SIK3: variants seen among roughly 807,000 people sequenced by gnomAD.
SIK3 encodes the protein serine/threonine-protein kinase SIK3.
In SIK3, 28 loss-of-function variants were observed where a neutral mutation model predicts 144.2. The ratio of observed to expected loss-of-function variants is 0.19; its 90% CI spans 0.14 to 0.27. The LOEUF (loss-of-function observed/expected upper bound fraction) is 0.27, where lower values mean the gene tolerates loss of function less well. SIK3 is among the 10% of genes least tolerant of loss of function. SIK3 has a pLI of 1.00. For missense variants in SIK3, 1,319 were observed against 1,776.0 expected (o/e 0.74, Z 4.62); for synonymous variants, 686 against 676.3 (o/e 1.01, Z -0.22).
intron 1 of SIK3, among the ~76,000 whole-genome samples, chr11:117,057,813 C>G (rs1320707970): frequency 6.6e-6 from 1 of 152,130 alleles, no homozygotes; most frequent in Non-Finnish European, 1.5e-5. Context: ...AATTCTAGGT[C>G]CTACTTATTT....
intron 1 of SIK3, among the ~76,000 whole-genome samples, chr11:117,011,358 G>A (rs183400631): frequency 3.3e-5 from 5 of 152,234 alleles, no homozygotes; most frequent in African/African-American, 4.8e-5. Flanking sequence ...GTCTGAGCAC[G>A]TACATATGAG....
intron 1 of SIK3, among the ~76,000 whole-genome samples, chr11:116,977,820 C>G (rs150045430): frequency 6.6e-6 from 1 of 152,068 alleles, no homozygotes; most frequent in Non-Finnish European, 1.5e-5. Context: ...TTCCTAGGCA[C>G]GCTCTCTATT....
At chr11:117,021,384 A>G (rs1292310743) in intron 1 of SIK3, among the ~76,000 whole-genome samples, 2 of 152,184 alleles carry the variant, frequency 1.3e-5, no homozygotes, top group Non-Finnish European at 2.9e-5. Context: ...TGCCTTGGTC[A>G]GAGCACATTG....
chr11:117,068,353 CAT>C (rs1954109961), intron 1 of SIK3, among the ~76,000 whole-genome samples: 1 of 152,196 alleles, frequency 6.6e-6, no homozygotes, highest in Non-Finnish European at 1.5e-5. Context: ...CTCCACCAAA[CAT>C]AGTATTTTCT....
chr11:116,978,159 G>A (rs1950017063), intron 1 of SIK3, among the ~76,000 whole-genome samples: 2 of 152,076 alleles, frequency 1.3e-5, no homozygotes, highest in East Asian at 1.9e-4. Context: ...CGGAGGTTGT[G>A]GTGAGCCGAA....
chr11:117,018,265 A>C (rs1474473926), intron 1 of SIK3, among the ~76,000 whole-genome samples: 3 of 152,168 alleles, frequency 2.0e-5, no homozygotes, highest in Non-Finnish European at 4.4e-5. Context: ...CCCTCTGTAC[A>C]GACAGGTTTC....
intron 1 of SIK3, among the ~76,000 whole-genome samples, chr11:117,027,531 C>T (rs530696518): frequency 2.2e-4 from 33 of 152,046 alleles, no homozygotes; most frequent in African/African-American, 3.1e-4. Flanking sequence ...GGTGCAATCT[C>T]GGCTCACTGC....
chr11:116,984,399 C>T (rs1428659074), intron 1 of SIK3, among the ~76,000 whole-genome samples: 1 of 152,316 alleles, frequency 6.6e-6, no homozygotes, highest in South Asian at 2.1e-4. Flanking sequence ...GGAAAGGCTA[C>T]ATGGATGCAA....
Position 116,844,536 on chromosome 11 carries a change from C to A in SIK3, c.*1107G>T, listed in dbSNP as rs1941759339. ...AGGAGAGAGGCAGGGCCCAAGGCAA[C>A]CTCCTACACTTCTTCCCTGTGACAA... On this transcript the variant is annotated 3_prime_UTR_variant, in exon 25 of 25. Coordinates refer to ENST00000445177, the MANE Select transcript of SIK3 (RefSeq NM_001366686.3). 1 of 144,642 alleles carries A rather than the reference C, an allele frequency of 6.9e-6. No homozygotes were observed. The highest frequency in any genetic ancestry group is 1.5e-5 in the Non-Finnish European group (1 of 66,542). The allele number at this position is 144,642 out of a possible 1,614,324, so 9.0% of individuals were successfully genotyped here. A position where few individuals can be genotyped will look rare whatever the true frequency, so the allele number is the denominator to read the frequency against.
intron 15 of SIK3, 54 bp from the exon 16 acceptor site, chr11:116,863,872 A>G: frequency 1.3e-6 from 2 of 1,505,106 alleles, no homozygotes; most frequent in Non-Finnish European, 9.0e-7. Context: ...CTTTGACCAA[A>G]TCACACAGGG....
chr11:117,086,854 G>A lies in SIK3; in HGVS notation c.273+11289C>T, dbSNP rs554967820. On this transcript the variant is annotated intron_variant, in intron 1 of 24. Transcript: ENST00000445177. ...TACTAAAAATACAAAAATTAGCCAG[G>A]TGTGGTGGCACGTGCCTGTAATCCT... Among the ~76,000 whole-genome samples, 4 of 152,070 alleles carry A rather than the reference G, an allele frequency of 2.6e-5. No individual in the cohort carries two copies. The East Asian group carries it at 7.7e-4, about 29-fold the overall frequency.
chr11:117,017,520 A>T (rs1565560708), intron 1 of SIK3, among the ~76,000 whole-genome samples: 1 of 114,028 alleles, frequency 8.8e-6, no homozygotes, highest in Non-Finnish European at 2.4e-5. Flanking sequence ...AACATTCAAT[A>T]AAACAAATGT....
At chr11:116,920,058 T>G (rs1224855239) in intron 4 of SIK3, among the ~76,000 whole-genome samples, 2 of 152,134 alleles carry the variant, frequency 1.3e-5, no homozygotes, top group Non-Finnish European at 1.5e-5. Context: ...GCCTTATATC[T>G]TATATTCAAA....
At chr11:116,957,480 T>C (rs778530014) in intron 1 of SIK3, among the ~76,000 whole-genome samples, 7 of 152,200 alleles carry the variant, frequency 4.6e-5, no homozygotes, top group African/African-American at 2.4e-5. Context: ...CATAAATACA[T>C]GGTGTCTTAC....
intron 1 of SIK3, among the ~76,000 whole-genome samples, chr11:117,078,555 C>T (rs1954653750): frequency 6.6e-6 from 1 of 151,290 alleles, no homozygotes; most frequent in African/African-American, 2.4e-5. Context: ...GCTGGGATTA[C>T]AGGCCCAGCT....
Position 117,036,234 on chromosome 11 carries a change from A to T in SIK3, c.273+61909T>A, listed in dbSNP as rs544761486. ...ATGTGCCCAGCCAAAAATAAAATTT[A>T]AAAAAAAATAATGTAGGTAGTTTCT... On this transcript the variant is annotated intron_variant, in intron 1 of 24. Transcript: ENST00000445177. Among the ~76,000 whole-genome samples, 377 of 132,588 alleles carry T rather than the reference A, an allele frequency of 2.8e-3. 1 individual carries two copies. The highest frequency in any genetic ancestry group is 9.9e-3 in the African/African-American group (303 of 30,554). The allele number at this position is 132,588 out of a possible 152,430, so 87.0% of individuals were successfully genotyped here.
intron 6 of SIK3, among the ~76,000 whole-genome samples, chr11:116,877,549 C>T (rs552687749): frequency 2.0e-5 from 3 of 152,320 alleles, no homozygotes; most frequent in African/African-American, 7.2e-5. Context: ...GAGAGAGCCA[C>T]AGGCTACTTC....
At chr11:117,081,221 G>A (rs914451106) in intron 1 of SIK3, among the ~76,000 whole-genome samples, 3 of 152,002 alleles carry the variant, frequency 2.0e-5, no homozygotes, top group South Asian at 4.1e-4. Flanking sequence ...GTTTTCTCTG[G>A]AGAGATGAGG....
At chr11:116,851,877 T>C (rs1181716807) in intron 21 of SIK3, among the ~76,000 whole-genome samples, 5 of 152,248 alleles carry the variant, frequency 3.3e-5, no homozygotes, top group African/African-American at 1.2e-4. Flanking sequence ...TGATTCTGTC[T>C]GCTTTGCCAA....
Sources: gnomAD v4.1 joint callset for allele counts (sites outside exome capture counted in the v4.1 genomes callset) on GRCh38, gnomAD v4.1.1 for gene constraint, MANE v1.5 for transcripts, NCBI Gene and HGNC (gene_info 2026-07-23, HGNC 2026-07-21) for gene names.